KLF8: variants seen among roughly 807,000 people sequenced by gnomAD.
KLF8 encodes the protein Krueppel-like factor 8.
In KLF8, 10 loss-of-function variants were observed where a neutral mutation model predicts 18.2. The ratio of observed to expected loss-of-function variants is 0.55; its 90% confidence interval spans 0.34 to 0.93. The LOEUF is 0.93. Among genes scored for constraint, KLF8 ranks in the 40% least tolerant of loss-of-function variants. The probability of loss-of-function intolerance (pLI) is 0.02; values close to 1 mark genes in which losing one functional copy is unlikely to be tolerated. For synonymous variants in KLF8, 109 were observed against 97.3 expected (o/e 1.12, Z -0.71); for missense variants, 264 against 277.9 (o/e 0.95, Z 0.36).
chrX:56,005,653 T>C, the KLF8 span, among the ~76,000 whole-genome samples: 21 of 112,624 alleles, frequency 1.9e-4, no homozygotes, highest in African/African-American at 5.8e-4. Flanking sequence ...CACAACTGGG[T>C]TCACGGAGTG....
chrX:55,940,919 G>T, the KLF8 span, among the ~76,000 whole-genome samples: 1 of 111,684 alleles, frequency 9.0e-6, no homozygotes, highest in Admixed American at 9.5e-5. Context: ...TGGGTAGGAA[G>T]AATCAATATC....
chrX:56,275,167 A>G (rs1158589054), intron 5 of KLF8, among the ~76,000 whole-genome samples: 1 of 111,510 alleles, frequency 9.0e-6, no homozygotes, highest in African/African-American at 3.3e-5. Context: ...TTCTGTCTTC[A>G]GTTTCTATCA....
At chrX:56,088,595 C>G in the KLF8 span, among the ~76,000 whole-genome samples, 2 of 111,615 alleles carry the variant, frequency 1.8e-5, no homozygotes, top group Non-Finnish European at 3.8e-5. Context: ...GATATTTTCC[C>G]AAAGTGGCTC....
chrX:56,177,964 G>A, the KLF8 span, among the ~76,000 whole-genome samples: 7 of 111,562 alleles, frequency 6.3e-5, no homozygotes, highest in Non-Finnish European at 1.3e-4. Flanking sequence ...GCAGTATTAG[G>A]GTGCGAGTGA....
the KLF8 span, among the ~76,000 whole-genome samples, chrX:56,174,785 G>T: frequency 9.0e-6 from 1 of 111,531 alleles, no homozygotes; most frequent in Non-Finnish European, 1.9e-5. Flanking sequence ...CCTGTTATTG[G>T]TCTATTCAGA....
At chrX:56,155,800 C>A in the KLF8 span, among the ~76,000 whole-genome samples, 1 of 110,693 alleles carries the variant, frequency 9.0e-6, no homozygotes, top group Non-Finnish European at 1.9e-5. Context: ...GTTTTTTAAC[C>A]CCCACCTCGT....
rs773032466 is a variant in KLF8 at position 56,243,528 on chromosome X, CTTTTTTTTTTTTTTT to C, written c.8-6691_8-6677del. 1.7e-4 allele frequency: 10 copies of C among 58,192 alleles called. 1 individual carries two copies. Among genetic ancestry groups the C allele is most frequent in the Non-Finnish European group, 2.7e-4 (8 of 29,943 alleles). The allele number at this position is 58,192 out of a possible 1,213,427, so 4.8% of individuals were successfully genotyped here. On this transcript the variant is annotated intron_variant, in intron 1 of 5. Transcript: ENST00000468660. The stretch of plus-strand genomic sequence containing the variant: ...GCTTTTGTGTATGTTGAAACTCTTG[CTTTTTTTTTTTTTTT>C]TTTTTTTTTTTGAGACGGAGTCTCA...
At chrX:56,049,963 C>G in the KLF8 span, among the ~76,000 whole-genome samples, 10 of 110,689 alleles carry the variant, frequency 9.0e-5, no homozygotes, top group East Asian at 1.4e-3. Context: ...TTGGTCTATT[C>G]AGAGATTCAA....
At chrX:56,056,273 T>G in the KLF8 span, among the ~76,000 whole-genome samples, 8 of 110,766 alleles carry the variant, frequency 7.2e-5, no homozygotes, top group East Asian at 2.3e-3. Flanking sequence ...ACGCCCTTTA[T>G]GGTTTGATTG....
At chrX:55,999,293 T>TTTTTTTTTTTTTTTTTTTTTTTTTTTC in the KLF8 span, among the ~76,000 whole-genome samples, 1 of 97,251 alleles carries the variant, frequency 1.0e-5, no homozygotes, top group Non-Finnish European at 2.1e-5. Context: ...AGATTTTTTT[T>TTTTTTTTTTTTTTTTTTTTTTTTTTTC]TTTTGCTTCG....
intron 1 of KLF8, among the ~76,000 whole-genome samples, chrX:56,237,844 CTCTT>C (rs1193012496): frequency 8.9e-6 from 1 of 111,793 alleles, no homozygotes; most frequent in Non-Finnish European, 1.9e-5. Context: ...CATGAGGACT[CTCTT>C]TCTGACCTGT....
At chrX:56,044,770 A>T in the KLF8 span, among the ~76,000 whole-genome samples, 2 of 112,305 alleles carry the variant, frequency 1.8e-5, no homozygotes, top group Admixed American at 1.9e-4. Context: ...GCTGGATGGG[A>T]TTCCAAGCCA....
chrX:55,963,661 C>T, the KLF8 span, among the ~76,000 whole-genome samples: 1 of 112,073 alleles, frequency 8.9e-6, no homozygotes, highest in Non-Finnish European at 1.9e-5. Context: ...AAGATAACCA[C>T]ACAATTATAG....
At chrX:56,171,670 G>A in the KLF8 span, among the ~76,000 whole-genome samples, 3 of 111,563 alleles carry the variant, frequency 2.7e-5, no homozygotes, top group Admixed American at 9.6e-5. Context: ...ATGGTTTCCA[G>A]CTTCATCCAT....
chrX:56,175,628 G>C, the KLF8 span, among the ~76,000 whole-genome samples: 1 of 111,433 alleles, frequency 9.0e-6, no homozygotes, highest in Non-Finnish European at 1.9e-5. Flanking sequence ...TTGGTGCAGA[G>C]CAGAGTTCAA....
the KLF8 span, among the ~76,000 whole-genome samples, chrX:56,201,861 C>A: frequency 1.8e-4 from 20 of 111,745 alleles, no homozygotes; most frequent in African/African-American, 5.8e-4. Flanking sequence ...CAGTTTTCAA[C>A]AAATTCTTGT....
At position 56,265,494 on chromosome X, in the gene KLF8, A is replaced by G. The variant is rs762402480; in HGVS notation, c.396A>G (p.Ser132=). The change falls in exon 3 of 6, where the codon TCA becomes TCG. Residue 132 remains serine, a synonymous_variant. Transcript: ENST00000468660. ...CGTCAACATCTGACATGAGCACTTC[A>G]GCAAACATTCCTACTGTTCTGACCC... is the stretch of plus-strand genomic sequence containing the variant. ...VSTSTSDMST[S]ANIPTVLTPG... is the part of the protein sequence containing the mutation. 3.6e-5 allele frequency: 43 copies of G among 1,210,354 alleles called. No individual in the cohort carries two copies. The highest frequency in any genetic ancestry group is 4.2e-5 in the Non-Finnish European group (38 of 895,336).
chrX:56,238,983 T>A (rs770406320), intron 1 of KLF8, among the ~76,000 whole-genome samples: 1 of 111,338 alleles, frequency 9.0e-6, no homozygotes, highest in East Asian at 2.8e-4. Flanking sequence ...TTACTTTTCC[T>A]CTCGTCTGGA....
chrX:56,056,831 TAAAAAAA>T, the KLF8 span, among the ~76,000 whole-genome samples: 2 of 62,731 alleles, frequency 3.2e-5, no homozygotes, highest in South Asian at 6.6e-4. Context: ...ATTGCAGGTG[TAAAAAAA>T]AAAAAAAAAA....
Sources: allele counts gnomAD v4.1 joint callset (sites outside exome capture counted in the v4.1 genomes callset), GRCh38; gene constraint gnomAD v4.1.1; transcripts MANE v1.5; gene names NCBI Gene and HGNC (gene_info 2026-07-23, HGNC 2026-07-21).